The following UBE3A variants were observed in gnomAD, a reference collection of about 807,000 sequenced individuals.
UBE3A encodes the protein ubiquitin protein ligase E3A.
In UBE3A, 6 loss-of-function variants were observed where a neutral mutation model predicts 83.4. The ratio of observed to expected loss-of-function variants is 0.07; its 90% CI spans 0.04 to 0.14. The LOEUF (loss-of-function observed/expected upper bound fraction) is 0.14. Among genes scored for constraint, UBE3A ranks in the 10% least tolerant of loss-of-function variants. The pLI is 1.00. For synonymous variants in UBE3A, 337 were observed against 355.4 expected (o/e 0.95, Z 0.58); for missense variants, 456 against 1,036.1 (o/e 0.44, Z 7.69).
chr15:25,340,234 G>A lies in UBE3A; in HGVS notation c.2355-6C>T. On this transcript the variant is annotated splice_polypyrimidine_tract_variant and splice_region_variant and intron_variant, in intron 11 of 12. Transcript: ENST00000648336. ...GAACGATTTCCCAGAACTCCCTAAT[G>A]AGAAAAAATACAATACTGGTTTCAG... 6.2e-7 allele frequency: 1 copy of A among 1,611,952 alleles called. No individual in the cohort carries two copies.
chr15:25,364,813 T>C (rs1478501226), intron 6 of UBE3A, among the ~76,000 whole-genome samples: 1 of 152,016 alleles, frequency 6.6e-6, no homozygotes, highest in African/African-American at 2.4e-5. Flanking sequence ...CTGGCTATTT[T>C]TTTTTGTATT....
chr15:25,362,901 G>A (rs986705845), intron 6 of UBE3A, among the ~76,000 whole-genome samples: 3 of 151,552 alleles, frequency 2.0e-5, no homozygotes, highest in Admixed American at 6.6e-5. Flanking sequence ...CCAAAGTGGG[G>A]AAAAAAAAGG....
intron 4 of UBE3A, among the ~76,000 whole-genome samples, chr15:25,383,621 A>G (rs1372783407): frequency 3.3e-5 from 5 of 152,192 alleles, no homozygotes; most frequent in African/African-American, 1.2e-4. Context: ...CCTGGGTGAC[A>G]AGAGCAAGAT....
At chr15:25,385,726 C>T (rs2083004985) in intron 4 of UBE3A, among the ~76,000 whole-genome samples, 1 of 152,024 alleles carries the variant, frequency 6.6e-6, no homozygotes, top group Non-Finnish European at 1.5e-5. Context: ...CATAGCATCA[C>T]CATTTATCTG....
rs1438352103 is a variant in UBE3A at position 25,335,070 on chromosome 15, T to C, written c.*4067A>G. The C allele has an allele frequency of 6.6e-6, 1 of 152,004 alleles. No homozygotes were observed. The highest frequency in any genetic ancestry group is 1.5e-5 in the Non-Finnish European group (1 of 67,998). 9.4% of individuals were successfully genotyped at this position (152,004 alleles called of 1,614,324 possible). ...CAAAGGTTATTAGAAGAAAAAAAGA[T>C]GTAAGAAAATTCCTTAACTGAAATG... is the stretch of plus-strand genomic sequence containing the variant. On this transcript the variant is annotated 3_prime_UTR_variant, in exon 13 of 13. Coordinates refer to ENST00000648336, the MANE Select transcript of UBE3A (RefSeq NM_130839.5).
rs1469018149 is a variant in UBE3A at position 25,370,811 on chromosome 15, G to C, written c.1363C>G (p.Leu455Val). ...EFINEPLNEV[L>V]EMDKDYTFFK... Reference sequence around the variant, plus strand: ...AAAGTATAATCTTTATCCATTTCTAGAACCTCATTCAGTGGTTCATTAATA... The same window carrying C: ...AAAGTATAATCTTTATCCATTTCTACAACCTCATTCAGTGGTTCATTAATA... The change falls in exon 6 of 13, where the codon CTA becomes GTA. Residue 455 changes from leucine (L) to valine (V), a missense_variant. Coordinates refer to ENST00000648336, the MANE Select transcript of UBE3A (RefSeq NM_130839.5). This position sits in a 1 kb window ranked among gnomAD's most constrained non-coding sequence, Gnocchi z 4.2. 1 of 1,614,004 alleles carries C rather than the reference G, an allele frequency of 6.2e-7. No homozygotes were observed. Among genetic ancestry groups the C allele is most frequent in the Non-Finnish European group, 8.5e-7 (1 of 1,179,958 alleles).
At chr15:25,406,578 A>G (rs1484271317) in intron 3 of UBE3A, among the ~76,000 whole-genome samples, 1 of 152,004 alleles carries the variant, frequency 6.6e-6, no homozygotes, top group Non-Finnish European at 1.5e-5. Context: ...ATGTTTTTTG[A>G]GGTCAAAAGC....
intron 11 of UBE3A, among the ~76,000 whole-genome samples, chr15:25,349,575 G>C (rs972528706): frequency 1.3e-4 from 20 of 152,034 alleles, no homozygotes; most frequent in African/African-American, 4.8e-4. Context: ...GTCTGAAATT[G>C]CAAATAGTAC....
chr15:25,431,590 G>A (rs1201150622), intron 1 of UBE3A, among the ~76,000 whole-genome samples: 3 of 152,088 alleles, frequency 2.0e-5, no homozygotes, highest in African/African-American at 7.2e-5. Flanking sequence ...TGATCCGTGT[G>A]CCTCGGCCTC....
chr15:25,375,868 A>C, intron 4 of UBE3A, 105 bp from the exon 5 acceptor site: 7 of 1,300,542 alleles, frequency 5.4e-6, no homozygotes, highest in Non-Finnish European at 4.3e-6. Flanking sequence ...GAAGTGATTA[A>C]CCTGTGTATG....
At chr15:25,366,263 AAATT>A (rs2079086179) in intron 6 of UBE3A, among the ~76,000 whole-genome samples, 1 of 152,214 alleles carries the variant, frequency 6.6e-6, no homozygotes, top group African/African-American at 2.4e-5. Flanking sequence ...GTGTAAGACA[AAATT>A]AAACATACCT....
At chr15:25,426,954 A>G (rs769845804) in intron 1 of UBE3A, among the ~76,000 whole-genome samples, 5 of 151,888 alleles carry the variant, frequency 3.3e-5, no homozygotes, top group Non-Finnish European at 5.9e-5. Context: ...AAGCTGGGCT[A>G]ATTTTATTTT....
intron 1 of UBE3A, among the ~76,000 whole-genome samples, chr15:25,434,966 A>G (rs1894567792): frequency 5.5e-5 from 1 of 18,160 alleles, no homozygotes; most frequent in African/African-American, 1.2e-4. Context: ...AATTCTATAT[A>G]CATACACACA....
Position 25,360,401 on chromosome 15 carries a change from T to C in UBE3A, c.1735A>G (p.Ile579Val). 3 of 1,613,832 alleles carry C rather than the reference T, an allele frequency of 1.9e-6. No homozygotes were observed. In the South Asian group the frequency reaches 3.3e-5, roughly 18 times the overall value. ...KEFFQLVVEEIFNPDIGMFTY... is the reference protein window; with the variant it reads ...KEFFQLVVEEVFNPDIGMFTY... ...TATTTACCAATATCTGGATTGAAGATTTCCTCCACAACCAGCTGAAAAAAT... is the reference window on the plus strand; with the variant it reads ...TATTTACCAATATCTGGATTGAAGACTTCCTCCACAACCAGCTGAAAAAAT... The change falls in exon 7 of 13, where the codon ATC (isoleucine) becomes GTC (valine). Residue 579 changes from isoleucine (I) to valine (V), a missense_variant. Around this residue, in one of 13 missense-constraint regions of UBE3A, gnomAD observed 58 missense variants for 237.1 expected, o/e 0.24. Transcript: ENST00000648336.
intron 4 of UBE3A, among the ~76,000 whole-genome samples, chr15:25,399,603 C>T (rs973295955): frequency 1.3e-5 from 2 of 152,064 alleles, no homozygotes; most frequent in Admixed American, 1.3e-4. Context: ...GGGTCTCACG[C>T]TGTCATCCAG....
chr15:25,436,408 T>A (rs1895097451), intron 1 of UBE3A, among the ~76,000 whole-genome samples: 1 of 152,182 alleles, frequency 6.6e-6, no homozygotes, highest in Non-Finnish European at 1.5e-5. Context: ...TAGCAGTCAT[T>A]TAAGAAAATG....
intron 11 of UBE3A, among the ~76,000 whole-genome samples, chr15:25,352,511 G>A (rs2152660123): frequency 6.6e-6 from 1 of 152,304 alleles, no homozygotes; most frequent in South Asian, 2.1e-4. Flanking sequence ...CTAAAAATAA[G>A]TACATTATCT....
At chr15:25,360,994 A>C (rs961597945) in intron 6 of UBE3A, among the ~76,000 whole-genome samples, 10 of 152,200 alleles carry the variant, frequency 6.6e-5, no homozygotes, top group African/African-American at 2.2e-4. Context: ...AAATACACTG[A>C]ATACTAAAGC....
In UBE3A at chr15:25,337,973, A is replaced by G. The variant is rs940767562; in HGVS notation, c.*1164T>C. On this transcript the variant is annotated 3_prime_UTR_variant, in exon 13 of 13. Transcript: ENST00000648336. ...TAAATTTAATCTGTGGGGCTATACA[A>G]TGTAATTCTTAGGAGTAATAGTTTC... The G allele has an allele frequency of 2.0e-5, 3 of 152,100 alleles. No individual in the cohort carries two copies. Among genetic ancestry groups the G allele is most frequent in the Non-Finnish European group, 4.4e-5 (3 of 67,994 alleles). 9.4% of individuals were successfully genotyped at this position (152,100 alleles called of 1,614,324 possible).
Sources: gnomAD v4.1 joint callset for allele counts (sites outside exome capture counted in the v4.1 genomes callset) on GRCh38, gnomAD v4.1.1 for gene constraint, gnomAD v4.1.1 regional missense constraint, Gnocchi (gnomAD v3.1) non-coding constraint, MANE v1.5 for transcripts, NCBI Gene and HGNC (gene_info 2026-07-23, HGNC 2026-07-21) for gene names.